Variants in DROSHA observed in about 807,000 individuals in gnomAD.
The protein encoded by DROSHA is drosha ribonuclease III.
DROSHA carries 56 observed loss-of-function variants against 181.9 expected under a neutral mutation model. The observed-to-expected ratio is 0.31, with a 90% confidence interval of 0.25 to 0.38. The LOEUF (loss-of-function observed/expected upper bound fraction) is 0.38. Ranked by LOEUF, DROSHA falls within the 10% of genes least tolerant of loss-of-function variation. The pLI, the probability that DROSHA is intolerant of heterozygous loss-of-function variation, is 1.00. For missense variants in DROSHA, 1,218 were observed against 1,743.5 expected, an observed-to-expected ratio of 0.70 and a Z score of 5.37; for synonymous variants, 524 against 591.2, an observed-to-expected ratio of 0.89 and a Z score of 1.65.
chr5:31,460,157 G>A (rs1367680937), intron 20 of DROSHA, among the ~76,000 whole-genome samples: 2 of 152,094 alleles, frequency 1.3e-5, no homozygotes, highest in African/African-American at 4.8e-5. Flanking sequence ...TTCCTCTTCT[G>A]AGTCATTATG....
At chr5:31,443,218 A>G (rs1482308656) in intron 23 of DROSHA, among the ~76,000 whole-genome samples, 2 of 151,828 alleles carry the variant, frequency 1.3e-5, no homozygotes, top group East Asian at 3.9e-4. Flanking sequence ...GGGTTTCATC[A>G]TGTTGGCCAG....
At chr5:31,527,227 C>A (rs2150064797) in intron 4 of DROSHA, among the ~76,000 whole-genome samples, 1 of 152,272 alleles carries the variant, frequency 6.6e-6, no homozygotes, top group Middle Eastern at 3.4e-3. Context: ...TGCTGTCATG[C>A]CTTTGCTCAA....
chr5:31,491,783 T>G (rs544370963), intron 13 of DROSHA, among the ~76,000 whole-genome samples: 1 of 152,168 alleles, frequency 6.6e-6, no homozygotes, highest in Admixed American at 6.5e-5. Flanking sequence ...GGCCTAATAC[T>G]ATTGCTTTTC....
chr5:31,492,434 G>A (rs185094938), intron 13 of DROSHA, among the ~76,000 whole-genome samples: 13 of 152,354 alleles, frequency 8.5e-5, no homozygotes, highest in Admixed American at 2.0e-4. Context: ...AATTGCAGAT[G>A]TAATTTCACG....
intron 23 of DROSHA, among the ~76,000 whole-genome samples, chr5:31,439,289 G>GATATT (rs1745263750): frequency 6.6e-6 from 1 of 152,152 alleles, no homozygotes; most frequent in Non-Finnish European, 1.5e-5. Context: ...ATCCTGTGCT[G>GATATT]TCCCACCCTA....
intron 6 of DROSHA, among the ~76,000 whole-genome samples, chr5:31,517,965 A>T (rs1489596076): frequency 6.6e-6 from 1 of 152,250 alleles, no homozygotes; most frequent in African/African-American, 2.4e-5. Flanking sequence ...CGTTAAAATT[A>T]TAGATTACAG....
chr5:31,450,773 T>C (rs183844940), intron 21 of DROSHA, among the ~76,000 whole-genome samples: 13 of 152,278 alleles, frequency 8.5e-5, no homozygotes, highest in African/African-American at 3.1e-4. Flanking sequence ...TTCACCACTA[T>C]ACAATTCATC....
At chr5:31,402,208 C>T (rs1579956238) in intron 35 of DROSHA, among the ~76,000 whole-genome samples, 1 of 152,090 alleles carries the variant, frequency 6.6e-6, no homozygotes, top group East Asian at 1.9e-4. Flanking sequence ...ATGAAGAATC[C>T]AAGATGTGGG....
chr5:31,434,664 C>T (rs1300608202), intron 25 of DROSHA, among the ~76,000 whole-genome samples: 1 of 152,140 alleles, frequency 6.6e-6, no homozygotes, highest in African/African-American at 2.4e-5. Context: ...ATTAAGAAAC[C>T]AGTCATAAAG....
intron 20 of DROSHA, among the ~76,000 whole-genome samples, chr5:31,453,928 T>TAA (rs59797989): frequency 8.8e-5 from 12 of 136,362 alleles, no homozygotes; most frequent in South Asian, 4.7e-4. Flanking sequence ...CTGCTTTAAT[T>TAA]AAAAAAAAAA....
At chr5:31,434,535 G>A (rs1744564212) in intron 25 of DROSHA, among the ~76,000 whole-genome samples, 2 of 152,130 alleles carry the variant, frequency 1.3e-5, no homozygotes, top group South Asian at 4.1e-4. Flanking sequence ...CCAGTTCAAA[G>A]CCTACCACTG....
At chr5:31,490,635 T>C (rs940697568) in intron 13 of DROSHA, among the ~76,000 whole-genome samples, 1 of 152,216 alleles carries the variant, frequency 6.6e-6, no homozygotes, top group African/African-American at 2.4e-5. Flanking sequence ...AGAGAACTTA[T>C]AGAACTAGAT....
At chr5:31,431,819 G>A (rs1433493259) in intron 25 of DROSHA, 141 bp from the exon 26 acceptor site, 3 of 702,538 alleles carry the variant, frequency 4.3e-6, no homozygotes, top group Non-Finnish European at 7.2e-6. Context: ...TATATTAAGA[G>A]AGAGTTTAGT....
chr5:31,417,790 C>T (rs1178420996), intron 30 of DROSHA, among the ~76,000 whole-genome samples: 1 of 152,122 alleles, frequency 6.6e-6, no homozygotes, highest in Non-Finnish European at 1.5e-5. Context: ...CTGGTGTCGT[C>T]ACAGTGTAGT....
Position 31,514,873 on chromosome 5 carries a change from C to T in DROSHA, c.1290+115G>A, listed in dbSNP as rs1478945095. 2 of 943,960 alleles carry T rather than the reference C, an allele frequency of 2.1e-6. No individual in the cohort carries two copies. The highest frequency in any genetic ancestry group is 3.2e-6 in the Non-Finnish European group (2 of 631,572). 58.5% of individuals were successfully genotyped at this position (943,960 alleles called of 1,614,324 possible). A position where few individuals can be genotyped will look rare whatever the true frequency, so the allele number is the denominator to read the frequency against. On this transcript the variant is annotated intron_variant, in intron 8 of 35. Transcript: ENST00000344624. This position sits in a 1 kb window ranked among gnomAD's most constrained non-coding sequence, Gnocchi z 4.4. Reference sequence around the variant, plus strand: ...GGTAGAGCCCAGAGATGCCGCTAAACATCCTACAATGCATAGGGCAGTCCC... The same window carrying T: ...GGTAGAGCCCAGAGATGCCGCTAAATATCCTACAATGCATAGGGCAGTCCC...
intron 28 of DROSHA, among the ~76,000 whole-genome samples, chr5:31,424,215 T>A (rs1743167835): frequency 6.6e-6 from 1 of 152,010 alleles, no homozygotes; most frequent in African/African-American, 2.4e-5. Context: ...CTCCCAATGC[T>A]CCCCCTACCC....
In DROSHA at chr5:31,400,866, T is replaced by TATGA; in HGVS notation, c.*565_*566insTCAT. 1 of 157,466 alleles carries TATGA rather than the reference T, an allele frequency of 6.4e-6. No homozygotes were observed. The highest frequency in any genetic ancestry group is 1.9e-4 in the South Asian group (1 of 5,332). 9.8% of individuals were successfully genotyped at this position (157,466 alleles called of 1,614,324 possible). On this transcript the variant is annotated 3_prime_UTR_variant, in exon 36 of 36. Transcript: ENST00000344624. ...AGAATCTGTATGACTTGAATATCAG[T>TATGA]CTTTCCCCTTCTCCCATTAGCCAAT...
intron 20 of DROSHA, among the ~76,000 whole-genome samples, chr5:31,460,661 C>G (rs1252053905): frequency 6.6e-6 from 1 of 152,090 alleles, no homozygotes; most frequent in Non-Finnish European, 1.5e-5. Flanking sequence ...CCTATCTGTT[C>G]AAAGACTTTG....
intron 11 of DROSHA, 124 bp downstream of exon 11, chr5:31,504,430 GA>G (rs1737667550): frequency 9.5e-7 from 1 of 1,049,384 alleles, no homozygotes; most frequent in Non-Finnish European, 1.4e-6. Flanking sequence ...ATCAGTAAGA[GA>G]CTATTAGGGA....
Sources: gnomAD v4.1 joint callset for allele counts (sites outside exome capture counted in the v4.1 genomes callset) on GRCh38, gnomAD v4.1.1 for gene constraint, Gnocchi (gnomAD v3.1) non-coding constraint, MANE v1.5 for transcripts, NCBI Gene and HGNC (gene_info 2026-07-23, HGNC 2026-07-21) for gene names.